Variants in CAMSAP1 observed in about 807,000 individuals in gnomAD.
CAMSAP1 encodes the protein calmodulin-regulated spectrin-associated protein 1.
A neutral mutation model predicts 143.5 loss-of-function variants in CAMSAP1; 58 were observed. The ratio of observed to expected loss-of-function variants is 0.40; its 90% confidence interval spans 0.33 to 0.50. CAMSAP1 has a LOEUF of 0.50. Among genes scored for constraint, CAMSAP1 ranks in the 20% least tolerant of loss-of-function variants. CAMSAP1 has a pLI of 0.45. For synonymous variants in CAMSAP1, 945 were observed against 859.3 expected (o/e 1.10, Z -1.74); for missense variants, 1,969 against 2,115.7 (o/e 0.93, Z 1.36).
At chr9:135,888,240 G>A (rs1838185814) in intron 1 of CAMSAP1, among the ~76,000 whole-genome samples, 1 of 152,234 alleles carries the variant, frequency 6.6e-6, no homozygotes, top group South Asian at 2.1e-4. Context: ...GATGCACACG[G>A]GAGTCTCAGC....
chr9:135,818,940 C>G lies in CAMSAP1; in HGVS notation c.3959+70G>C. 2 of 1,563,058 alleles carry G rather than the reference C, an allele frequency of 1.3e-6. No individual in the cohort carries two copies. The highest frequency in any genetic ancestry group is 1.7e-6 in the Non-Finnish European group (2 of 1,161,804). ...CATGGTCCATGCTCAGTGCCAGCAA[C>G]GGGACCGGGGCCGCCAGGGACCCAC... On this transcript the variant is annotated intron_variant, in intron 12 of 16. Coordinates refer to ENST00000389532, the MANE Select transcript of CAMSAP1 (RefSeq NM_015447.4). This position sits in a 1 kb window ranked among gnomAD's most constrained non-coding sequence, Gnocchi z 7.7.
In CAMSAP1 at chr9:135,816,080, C is replaced by T; in HGVS notation, c.4272-75G>A. 8 of 1,384,862 alleles carry T rather than the reference C, an allele frequency of 5.8e-6. No individual in the cohort carries two copies. The South Asian group carries it at 9.4e-5, about 16-fold the overall frequency. 85.8% of individuals were successfully genotyped at this position (1,384,862 alleles called of 1,614,324 possible). A position where few individuals can be genotyped will look rare whatever the true frequency, so the allele number is the denominator to read the frequency against. Reference sequence around the variant, plus strand: ...CTCACCACTGCTGGCAAGGGGCTGGCCCGCAACCAGGACAGGAAGCACATC... The same window carrying T: ...CTCACCACTGCTGGCAAGGGGCTGGTCCGCAACCAGGACAGGAAGCACATC... On this transcript the variant is annotated intron_variant, in intron 14 of 16. Transcript: ENST00000389532.
intron 7 of CAMSAP1, among the ~76,000 whole-genome samples, chr9:135,842,631 ACAG>A (rs1395895844): frequency 6.6e-6 from 1 of 152,230 alleles, no homozygotes; most frequent in Non-Finnish European, 1.5e-5. Flanking sequence ...CATCAAACTA[ACAG>A]CAGATCTCTC....
Position 135,862,498 on chromosome 9 carries a change from G to A in CAMSAP1, c.777C>T (p.His259=). The A allele has an allele frequency of 6.4e-7, 1 of 1,551,438 alleles. No individual in the cohort carries two copies. The highest frequency in any genetic ancestry group is 8.7e-7 in the Non-Finnish European group (1 of 1,146,980). ...SDGAALLAVI[H]YYCPEQMKLD... Reference sequence around the variant, plus strand: ...GTTTCATCTGCTCTGGGCAATAATAGTGAATCACAGCTAAGAGAGCAGCAC... The same window carrying A: ...GTTTCATCTGCTCTGGGCAATAATAATGAATCACAGCTAAGAGAGCAGCAC... The change falls in exon 5 of 17, where the codon CAC becomes CAT. Residue 259 remains histidine, a synonymous_variant. Transcript: ENST00000389532.
At chr9:135,873,343 G>A (rs919205651) in intron 3 of CAMSAP1, among the ~76,000 whole-genome samples, 2 of 152,104 alleles carry the variant, frequency 1.3e-5, no homozygotes, top group Non-Finnish European at 1.5e-5. Context: ...GAGAGGAATC[G>A]ACAGCTTTAA....
intron 7 of CAMSAP1, among the ~76,000 whole-genome samples, chr9:135,837,240 CA>C (rs1374406281): frequency 6.6e-6 from 1 of 151,110 alleles, no homozygotes; most frequent in Admixed American, 6.6e-5. Flanking sequence ...AGACACACAT[CA>C]TGCACTTTCT....
chr9:135,863,057 G>A (rs1463842006), intron 4 of CAMSAP1, among the ~76,000 whole-genome samples: 1 of 152,196 alleles, frequency 6.6e-6, no homozygotes, highest in African/African-American at 2.4e-5. Context: ...ACTAGCCTCA[G>A]TCATTAAGAA....
chr9:135,861,935 C>T (rs1009140474), intron 5 of CAMSAP1, among the ~76,000 whole-genome samples: 10 of 152,214 alleles, frequency 6.6e-5, no homozygotes, highest in Admixed American at 2.6e-4. Flanking sequence ...ACACTGTCAT[C>T]GGAACGTCCC....
At chr9:135,888,301 G>C (rs550256163) in intron 1 of CAMSAP1, among the ~76,000 whole-genome samples, 4 of 152,370 alleles carry the variant, frequency 2.6e-5, no homozygotes, top group African/African-American at 7.2e-5. Context: ...AGGCAGGTCA[G>C]GAAGTGGCCA....
At chr9:135,881,520 T>C (rs900893095) in intron 3 of CAMSAP1, 113 bp downstream of exon 3, 4 of 1,209,174 alleles carry the variant, frequency 3.3e-6, no homozygotes, top group Non-Finnish European at 4.7e-6. Context: ...ATATGACTGG[T>C]CCCAAATGAA....
At chr9:135,865,767 C>T (rs1208033563) in intron 4 of CAMSAP1, among the ~76,000 whole-genome samples, 1 of 152,176 alleles carries the variant, frequency 6.6e-6, no homozygotes, top group Non-Finnish European at 1.5e-5. Flanking sequence ...GGCGGCCTGA[C>T]TCACCCACCC....
chr9:135,827,322 A>G, intron 8 of CAMSAP1, 85 bp downstream of exon 8: 2 of 1,289,842 alleles, frequency 1.6e-6, no homozygotes, highest in Non-Finnish European at 2.0e-6. Flanking sequence ...ATTTTAAAAA[A>G]GGTAACTTCA....
intron 7 of CAMSAP1, among the ~76,000 whole-genome samples, chr9:135,828,409 TA>T (rs1835749673): frequency 6.6e-6 from 1 of 151,998 alleles, no homozygotes; most frequent in Non-Finnish European, 1.5e-5. Context: ...AGGGAAAAGA[TA>T]AAGAGGGCTA....
intron 3 of CAMSAP1, among the ~76,000 whole-genome samples, chr9:135,876,426 G>A (rs3120164): frequency 0.64 from 96,450 of 151,532 alleles, 31,670 homozygotes; most frequent in African/African-American, 0.81. Flanking sequence ...AATATTTGAA[G>A]CAGCACCTCA....
intron 4 of CAMSAP1, among the ~76,000 whole-genome samples, chr9:135,866,182 G>A (rs936986559): frequency 2.6e-5 from 4 of 152,170 alleles, no homozygotes; most frequent in African/African-American, 7.2e-5. Flanking sequence ...TGGGCCCTAC[G>A]TCCCTCACTC....
At chr9:135,819,396 A>G (rs1324253698) in intron 11 of CAMSAP1, among the ~76,000 whole-genome samples, 3 of 152,206 alleles carry the variant, frequency 2.0e-5, no homozygotes, top group South Asian at 2.1e-4. Flanking sequence ...AAGTACACGT[A>G]TATTTCCAAA....
chr9:135,828,960 A>T (rs1463720303), intron 7 of CAMSAP1, among the ~76,000 whole-genome samples: 1 of 152,242 alleles, frequency 6.6e-6, no homozygotes, highest in Non-Finnish European at 1.5e-5. Flanking sequence ...TGGCGAAGCA[A>T]TACTTCAGAA....
At chr9:135,819,235 C>T (rs1835352363) in intron 11 of CAMSAP1, 89 bp from the exon 12 acceptor site, 20 of 1,456,910 alleles carry the variant, frequency 1.4e-5, no homozygotes, top group Middle Eastern at 1.8e-4. Context: ...ACTTCCACTA[C>T]GCTTTTAAAA....
chr9:135,904,066 TAC>T (rs1214661010), intron 1 of CAMSAP1, among the ~76,000 whole-genome samples: 1 of 152,202 alleles, frequency 6.6e-6, no homozygotes, highest in Non-Finnish European at 1.5e-5. Context: ...TCTCAATTTT[TAC>T]ACAGTTTTAC....
Sources: gnomAD v4.1 joint callset for allele counts (sites outside exome capture counted in the v4.1 genomes callset) on GRCh38, gnomAD v4.1.1 for gene constraint, Gnocchi (gnomAD v3.1) non-coding constraint, MANE v1.5 for transcripts, NCBI Gene and HGNC (gene_info 2026-07-23, HGNC 2026-07-21) for gene names.